The following COX7B2 variants were observed in gnomAD, a reference collection of about 807,000 sequenced individuals.
COX7B2 encodes the protein cytochrome c oxidase subunit 7B2.
For missense variants in COX7B2, 109 were observed against 95.9 expected, an observed-to-expected ratio of 1.14 and a Z score of -0.57; for synonymous variants, 37 against 32.1, an observed-to-expected ratio of 1.15 and a Z score of -0.51.
intron 2 of COX7B2, among the ~76,000 whole-genome samples, chr4:46,813,171 G>T (rs1719373856): frequency 6.6e-6 from 1 of 152,132 alleles, no homozygotes; most frequent in Admixed American, 6.5e-5. Context: ...CATAAGACAA[G>T]ATTTCATTCC....
intron 1 of COX7B2, among the ~76,000 whole-genome samples, chr4:46,895,346 T>C (rs897409820): frequency 6.6e-6 from 1 of 151,990 alleles, no homozygotes; most frequent in Non-Finnish European, 1.5e-5. Context: ...TGGGAACATG[T>C]TTGGGGCTGG....
intron 2 of COX7B2, among the ~76,000 whole-genome samples, chr4:46,768,391 C>T (rs979632344): frequency 3.3e-5 from 5 of 152,164 alleles, no homozygotes; most frequent in Non-Finnish European, 7.4e-5. Context: ...TTAGATGCTT[C>T]TCTCTTCCCT....
chr4:46,749,505 T>A (rs1232468288), intron 2 of COX7B2, among the ~76,000 whole-genome samples: 2 of 152,242 alleles, frequency 1.3e-5, no homozygotes, highest in African/African-American at 2.4e-5. Flanking sequence ...ACTCACTATG[T>A]GATAATTTAC....
At chr4:46,829,677 G>C (rs1714934595) in intron 2 of COX7B2, among the ~76,000 whole-genome samples, 3 of 152,132 alleles carry the variant, frequency 2.0e-5, no homozygotes, top group Admixed American at 1.3e-4. Flanking sequence ...AGCAACATTT[G>C]AACTGGATCT....
At chr4:46,899,322 A>G (rs562147169) in intron 1 of COX7B2, among the ~76,000 whole-genome samples, 1 of 152,338 alleles carries the variant, frequency 6.6e-6, no homozygotes, top group East Asian at 1.9e-4. Flanking sequence ...AATAAAAAGA[A>G]TGTGAAACCT....
chr4:46,804,682 G>A (rs962337483), intron 2 of COX7B2, among the ~76,000 whole-genome samples: 11 of 152,232 alleles, frequency 7.2e-5, no homozygotes, highest in African/African-American at 2.7e-4. Context: ...TAGATACAGA[G>A]TGCTGATTGG....
intron 2 of COX7B2, among the ~76,000 whole-genome samples, chr4:46,757,688 C>A (rs1231319763): frequency 2.0e-5 from 3 of 152,078 alleles, no homozygotes; most frequent in African/African-American, 7.2e-5. Flanking sequence ...ATATAAACTC[C>A]TATTCTTACG....
intron 2 of COX7B2, among the ~76,000 whole-genome samples, chr4:46,781,111 C>A (rs1270297221): frequency 6.6e-6 from 1 of 151,954 alleles, no homozygotes; most frequent in African/African-American, 2.4e-5. Context: ...ATCATATGTA[C>A]CAACATATAG....
chr4:46,846,282 G>C (rs575454435), intron 1 of COX7B2, among the ~76,000 whole-genome samples: 2 of 151,958 alleles, frequency 1.3e-5, no homozygotes, highest in African/African-American at 4.8e-5. Flanking sequence ...AAGAGACAGC[G>C]ATCTGTGTCC....
intron 1 of COX7B2, among the ~76,000 whole-genome samples, chr4:46,886,285 T>C (rs1045782639): frequency 3.3e-5 from 5 of 152,186 alleles, no homozygotes; most frequent in Non-Finnish European, 5.9e-5. Context: ...CATAGTTGTA[T>C]AAACTTTTGA....
chr4:46,766,396 A>G (rs1716539103), intron 2 of COX7B2, among the ~76,000 whole-genome samples: 1 of 152,086 alleles, frequency 6.6e-6, no homozygotes, highest in South Asian at 2.1e-4. Context: ...GTCACACTTC[A>G]TCATCAAATG....
chr4:46,880,313 CCTT>C (rs1018780768), intron 1 of COX7B2, among the ~76,000 whole-genome samples: 2 of 151,858 alleles, frequency 1.3e-5, no homozygotes, highest in African/African-American at 4.8e-5. Context: ...AAGAGTCCCT[CCTT>C]CTCAGTTTTT....
intron 2 of COX7B2, among the ~76,000 whole-genome samples, chr4:46,770,575 C>G (rs1422341701): frequency 6.6e-6 from 1 of 151,772 alleles, no homozygotes; most frequent in African/African-American, 2.4e-5. Flanking sequence ...TTCTAATATA[C>G]CATAAAGGTC....
chr4:46,825,065 G>A (rs1265626204), intron 2 of COX7B2, among the ~76,000 whole-genome samples: 2 of 151,654 alleles, frequency 1.3e-5, no homozygotes, highest in South Asian at 2.1e-4. Flanking sequence ...AAAATAAAAC[G>A]AATCCAAATA....
intron 2 of COX7B2, among the ~76,000 whole-genome samples, chr4:46,797,743 CTG>C (rs1718440893): frequency 6.6e-6 from 1 of 152,176 alleles, no homozygotes; most frequent in African/African-American, 2.4e-5. Context: ...TGAAGAATGA[CTG>C]TGGATTATCA....
chr4:46,759,624 T>A (rs1489548310), intron 2 of COX7B2, among the ~76,000 whole-genome samples: 3 of 151,912 alleles, frequency 2.0e-5, no homozygotes, highest in East Asian at 3.9e-4. Flanking sequence ...ATCAGAGAAA[T>A]GCAAATCAAA....
intron 2 of COX7B2, among the ~76,000 whole-genome samples, chr4:46,835,316 G>A (rs768265822): frequency 5.9e-5 from 9 of 151,982 alleles, no homozygotes; most frequent in Non-Finnish European, 1.3e-4. Flanking sequence ...GTTTATAATA[G>A]CAAAGTTAGC....
intron 2 of COX7B2, among the ~76,000 whole-genome samples, chr4:46,783,519 A>G (rs1560378338): frequency 6.6e-6 from 1 of 152,198 alleles, no homozygotes; most frequent in South Asian, 2.1e-4. Context: ...CTATTCTGAC[A>G]TTTTGAAAAT....
intron 2 of COX7B2, among the ~76,000 whole-genome samples, chr4:46,751,022 T>C (rs1715339063): frequency 6.6e-6 from 1 of 152,178 alleles, no homozygotes; most frequent in African/African-American, 2.4e-5. Context: ...TATAAAGCTT[T>C]CATGGTCCTT....
Sources: allele counts gnomAD v4.1 joint callset (sites outside exome capture counted in the v4.1 genomes callset), GRCh38; gene constraint gnomAD v4.1.1; transcripts MANE v1.5; gene names NCBI Gene and HGNC (gene_info 2026-07-23, HGNC 2026-07-21).